The following RYR2 variants were observed in gnomAD, a reference collection of about 807,000 sequenced individuals.
The protein encoded by RYR2 is cardiac muscle ryanodine receptor-calcium release channel.
RYR2 carries 227 observed loss-of-function variants against 601.1 expected under a neutral mutation model. That is an observed-to-expected ratio of 0.38 (90% CI 0.34 to 0.42). The LOEUF (loss-of-function observed/expected upper bound fraction) is 0.42, where lower values mean the gene tolerates loss of function less well. Among genes scored for constraint, RYR2 ranks in the 10% least tolerant of loss-of-function variants. The pLI, the probability that RYR2 is intolerant of heterozygous loss-of-function variation, is 1.00. For synonymous variants in RYR2, 2,223 were observed against 2,175.1 expected (o/e 1.02, Z -0.61); for missense variants, 4,646 against 6,156.5 (o/e 0.75, Z 8.21).
chr1:237,152,165 C>G (rs750310960), intron 1 of RYR2, among the ~76,000 whole-genome samples: 2 of 152,152 alleles, frequency 1.3e-5, no homozygotes, highest in Non-Finnish European at 2.9e-5. Context: ...TCATCCATGT[C>G]TCTGCAAAAG....
At chr1:237,688,993 G>A (rs904014604) in intron 63 of RYR2, among the ~76,000 whole-genome samples, 11 of 152,062 alleles carry the variant, frequency 7.2e-5, no homozygotes, top group African/African-American at 2.7e-4. Context: ...GCTAGGTGTG[G>A]TGGCTCATGC....
chr1:237,119,387 G>A (rs76698071), intron 1 of RYR2, among the ~76,000 whole-genome samples: 3,604 of 152,270 alleles, frequency 0.024, 134 homozygotes, highest in African/African-American at 0.082. Context: ...AGAGCAAACT[G>A]CTACAGTAAT....
At chr1:237,529,066 A>G (rs528006106) in intron 24 of RYR2, among the ~76,000 whole-genome samples, 1 of 152,262 alleles carries the variant, frequency 6.6e-6, no homozygotes, top group African/African-American at 2.4e-5. Flanking sequence ...TGTTGTCTGT[A>G]GCACAGGGCC....
intron 80 of RYR2, 23 bp from the exon 81 acceptor site, chr1:237,756,265 A>G: frequency 6.5e-7 from 1 of 1,536,068 alleles, no homozygotes; most frequent in Non-Finnish European, 9.0e-7. Flanking sequence ...CCCTCAACAT[A>G]AATGGTTGGG....
chr1:237,440,632 G>A (rs1290666012), intron 12 of RYR2, among the ~76,000 whole-genome samples: 5 of 152,158 alleles, frequency 3.3e-5, no homozygotes, highest in African/African-American at 1.2e-4. Context: ...CTTTAAGAGT[G>A]AATACCTCTG....
chr1:237,354,259 A>G (rs1005200435), intron 3 of RYR2, among the ~76,000 whole-genome samples: 6 of 152,162 alleles, frequency 3.9e-5, no homozygotes, highest in Non-Finnish European at 8.8e-5. Context: ...AGCTCCTGTT[A>G]CTATCATTAG....
intron 1 of RYR2, among the ~76,000 whole-genome samples, chr1:237,206,427 G>A (rs1464121182): frequency 6.6e-6 from 1 of 152,172 alleles, no homozygotes; most frequent in Non-Finnish European, 1.5e-5. Context: ...GATAGCGTTA[G>A]GAGTGTAAGA....
intron 80 of RYR2, among the ~76,000 whole-genome samples, chr1:237,752,630 T>C (rs996895780): frequency 3.3e-5 from 5 of 152,186 alleles, no homozygotes; most frequent in Admixed American, 6.5e-5. Context: ...TTGTCTCTTA[T>C]CCATACTTTT....
chr1:237,100,015 C>T (rs16834820), intron 1 of RYR2, among the ~76,000 whole-genome samples: 5,259 of 152,220 alleles, frequency 0.035, 292 homozygotes, highest in African/African-American at 0.12. Flanking sequence ...GCTCCTGGGG[C>T]TAAGGTAAAG....
At chr1:237,126,462 C>G (rs1266786127) in intron 1 of RYR2, among the ~76,000 whole-genome samples, 1 of 152,164 alleles carries the variant, frequency 6.6e-6, no homozygotes, top group Admixed American at 6.5e-5. Flanking sequence ...TGGGACTCTT[C>G]TGATGGGCAA....
intron 99 of RYR2, among the ~76,000 whole-genome samples, chr1:237,807,497 G>A (rs577598777): frequency 6.6e-6 from 1 of 152,094 alleles, no homozygotes; most frequent in South Asian, 2.1e-4. Flanking sequence ...GATTATAGGC[G>A]CGTGCCACCA....
intron 38 of RYR2, among the ~76,000 whole-genome samples, chr1:237,623,383 CTTT>C (rs1164153613): frequency 5.5e-5 from 6 of 108,852 alleles, no homozygotes; most frequent in South Asian, 3.0e-4. Flanking sequence ...TTCTTTCTTT[CTTT>C]TTTTTTTTTT....
chr1:237,073,562 T>C (rs1452466093), intron 1 of RYR2, among the ~76,000 whole-genome samples: 1 of 152,010 alleles, frequency 6.6e-6, no homozygotes, highest in African/African-American at 2.4e-5. Context: ...GCAAAAAGAA[T>C]ATAAAATATC....
chr1:237,579,635 G>A (rs1200272061), intron 29 of RYR2, among the ~76,000 whole-genome samples: 1 of 152,076 alleles, frequency 6.6e-6, no homozygotes, highest in Non-Finnish European at 1.5e-5. Context: ...GGAAAAAAGT[G>A]CATTCTTGAG....
At chr1:237,174,610 T>G (rs1465023951) in intron 1 of RYR2, among the ~76,000 whole-genome samples, 1 of 152,206 alleles carries the variant, frequency 6.6e-6, no homozygotes, top group Non-Finnish European at 1.5e-5. Flanking sequence ...CATTGCCTAC[T>G]TGGTTTTTGT....
At chr1:237,711,054 G>T (rs201306758) in intron 70 of RYR2, among the ~76,000 whole-genome samples, 2 of 152,000 alleles carry the variant, frequency 1.3e-5, no homozygotes, top group Non-Finnish European at 2.9e-5. Context: ...CAGTTTCCTC[G>T]ATCATTAAAA....
intron 1 of RYR2, among the ~76,000 whole-genome samples, chr1:237,267,898 G>A (rs1689229529): frequency 6.6e-6 from 1 of 152,218 alleles, no homozygotes; most frequent in East Asian, 1.9e-4. Flanking sequence ...CCCTCTGTGA[G>A]TAACAAGTTA....
intron 79 of RYR2, among the ~76,000 whole-genome samples, chr1:237,739,993 C>T (rs1406699752): frequency 6.6e-6 from 1 of 152,166 alleles, no homozygotes; most frequent in East Asian, 1.9e-4. Context: ...ACACCTGCCC[C>T]TTTATGTATT....
At chr1:237,320,984 A>T (rs1175452287) in intron 2 of RYR2, among the ~76,000 whole-genome samples, 1 of 150,064 alleles carries the variant, frequency 6.7e-6, no homozygotes, top group Non-Finnish European at 1.5e-5. Flanking sequence ...TTTTTAAATC[A>T]ATCACAAATG....
Sources: gnomAD v4.1 joint callset for allele counts (sites outside exome capture counted in the v4.1 genomes callset) on GRCh38, gnomAD v4.1.1 for gene constraint, MANE v1.5 for transcripts, NCBI Gene and HGNC (gene_info 2026-07-23, HGNC 2026-07-21) for gene names.